KAZN: variants seen among roughly 807,000 people sequenced by gnomAD.
KAZN encodes the protein kazrin, periplakin interacting protein.
A neutral mutation model predicts 87.4 loss-of-function variants in KAZN; 40 were observed. The observed-to-expected ratio is 0.46, with a 90% confidence interval of 0.36 to 0.60. The LOEUF is 0.60. Among genes scored for constraint, KAZN ranks in the 20% least tolerant of loss-of-function variants. The pLI, the probability that KAZN is intolerant of heterozygous loss-of-function variation, is 0.00. For synonymous variants in KAZN, 466 were observed against 458.3 expected (o/e 1.02, Z -0.22); for missense variants, 898 against 1,073.9 (o/e 0.84, Z 2.29).
In KAZN at chr1:14,354,692, A is replaced by C. The variant is rs183574355; in HGVS notation, c.249+174100A>C. Among the ~76,000 whole-genome samples the C allele has an allele frequency of 3.1e-3, 468 of 151,600 alleles. 3 individuals carry two copies. The highest frequency in any genetic ancestry group is 1.7e-3 in the Non-Finnish European group (113 of 67,870). Reference sequence around the variant, plus strand: ...CACACACACACACACACACACAAACAAACCTGACAATGCCAAATGTTGGCA... The same window carrying C: ...CACACACACACACACACACACAAACCAACCTGACAATGCCAAATGTTGGCA... On this transcript the variant is annotated intron_variant, in intron 2 of 16. Transcript: ENST00000636203.
At chr1:14,774,311 C>T (rs1312431530) in intron 1 of KAZN, among the ~76,000 whole-genome samples, 1 of 152,086 alleles carries the variant, frequency 6.6e-6, no homozygotes, top group African/African-American at 2.4e-5. Flanking sequence ...AATGCCAACC[C>T]CACAGGCTCA....
At chr1:14,286,910 A>G (rs1653294419) in intron 2 of KAZN, among the ~76,000 whole-genome samples, 1 of 152,216 alleles carries the variant, frequency 6.6e-6, no homozygotes. Flanking sequence ...TGTGCTAATG[A>G]AATTCAACTA....
chr1:13,893,813 G>A lies in KAZN; in HGVS notation c.91+57G>A, dbSNP rs145787334. On this transcript the variant is annotated intron_variant, in intron 1 of 16. Coordinates refer to the KAZN transcript ENST00000636203. ...AGAATGGGAAGTGGAGCGTTATCCC[G>A]GGTCCCCAAAAACAGCGGTCTGTGT... is the stretch of plus-strand genomic sequence containing the variant. The A allele has an allele frequency of 1.5e-4, 237 of 1,539,910 alleles. 2 individuals are homozygous for A. In the African/African-American group the frequency reaches 2.3e-3, roughly 15 times the overall value.
Position 14,598,900 on chromosome 1 carries a change from G to A in KAZN, c.-98G>A. On this transcript the variant is annotated 5_prime_UTR_variant, in exon 1 of 15. Coordinates refer to ENST00000376030, the MANE Select transcript of KAZN (RefSeq NM_201628.3). This position sits in a 1 kb window ranked among gnomAD's most constrained non-coding sequence, Gnocchi z 4.2. ...GGCGCGGGCGAAGCCGGGCCGCGGA[G>A]GACACAACAGGTAGAGCCGGGGGTG... 1 of 1,523,618 alleles carries A rather than the reference G, an allele frequency of 6.6e-7. No individual in the cohort carries two copies. Among genetic ancestry groups the A allele is most frequent in the Non-Finnish European group, 8.7e-7 (1 of 1,143,908 alleles). The allele number at this position is 1,523,618 out of a possible 1,614,324, so 94.4% of individuals were successfully genotyped here.
intron 2 of KAZN, among the ~76,000 whole-genome samples, chr1:14,338,378 G>A (rs1028776165): frequency 2.0e-5 from 3 of 151,772 alleles, no homozygotes; most frequent in African/African-American, 7.3e-5. Context: ...CCAGCTACTC[G>A]GGACACTGAG....
intron 1 of KAZN, among the ~76,000 whole-genome samples, chr1:14,661,943 G>C (rs999512320): frequency 3.9e-5 from 6 of 152,122 alleles, no homozygotes; most frequent in African/African-American, 1.4e-4. Context: ...TGCTGAAGTC[G>C]GATAGGCCTG....
intron 1 of KAZN, among the ~76,000 whole-genome samples, chr1:14,713,775 C>CAAAAAAAAAAAA (rs58947119): frequency 2.1e-5 from 2 of 94,632 alleles, no homozygotes; most frequent in African/African-American, 4.7e-5. Context: ...CTCATCTCTA[C>CAAAAAAAAAAAA]AAAAAAAAAA....
At chr1:15,027,145 G>C (rs1308087902) in intron 2 of KAZN, among the ~76,000 whole-genome samples, 1 of 134,462 alleles carries the variant, frequency 7.4e-6, no homozygotes, top group Non-Finnish European at 1.5e-5. Flanking sequence ...GCAGTGGCGC[G>C]ATCTCGGCTC....
At chr1:14,104,815 T>A (rs1409629513) in intron 1 of KAZN, among the ~76,000 whole-genome samples, 2 of 152,234 alleles carry the variant, frequency 1.3e-5, no homozygotes, top group African/African-American at 2.4e-5. Context: ...TGCTGAATGG[T>A]TTTGTTTTAT....
chr1:14,161,638 C>G (rs1645712077), intron 1 of KAZN, among the ~76,000 whole-genome samples: 1 of 152,028 alleles, frequency 6.6e-6, no homozygotes, highest in Admixed American at 6.6e-5. Context: ...ACAGGTTGGC[C>G]CTATCTAGTG....
chr1:14,690,323 T>C (rs953693159), intron 1 of KAZN, among the ~76,000 whole-genome samples: 3 of 152,226 alleles, frequency 2.0e-5, no homozygotes, highest in Non-Finnish European at 4.4e-5. Flanking sequence ...GCCCATCTGA[T>C]GTTTTTACAT....
intron 1 of KAZN, among the ~76,000 whole-genome samples, chr1:14,689,258 C>T (rs1382777337): frequency 1.3e-5 from 2 of 152,084 alleles, no homozygotes; most frequent in East Asian, 3.9e-4. Context: ...TTGGTAAAAC[C>T]ATGCTGGGTC....
chr1:14,837,115 T>A (rs1003393766), intron 1 of KAZN, among the ~76,000 whole-genome samples: 2 of 152,226 alleles, frequency 1.3e-5, no homozygotes, highest in Non-Finnish European at 2.9e-5. Context: ...TTTTAAAAAA[T>A]TTTTAGAAAG....
intron 2 of KAZN, among the ~76,000 whole-genome samples, chr1:14,973,965 G>A (rs1011783887): frequency 4.6e-5 from 7 of 151,984 alleles, no homozygotes; most frequent in Admixed American, 2.6e-4. Flanking sequence ...TCAGCTAGGC[G>A]ATTCTTAGGT....
At chr1:14,196,062 C>G (rs1646520259) in intron 2 of KAZN, among the ~76,000 whole-genome samples, 1 of 151,984 alleles carries the variant, frequency 6.6e-6, no homozygotes, top group Non-Finnish European at 1.5e-5. Context: ...AGGGAGAGAC[C>G]ATTTCAGAGA....
At chr1:14,471,862 G>T (rs940189055) in intron 2 of KAZN, among the ~76,000 whole-genome samples, 6 of 152,200 alleles carry the variant, frequency 3.9e-5, no homozygotes, top group Non-Finnish European at 7.3e-5. Flanking sequence ...CTAAAGACCC[G>T]TTTGAATTGT....
chr1:13,950,926 GAT>G (rs919443713), intron 1 of KAZN, among the ~76,000 whole-genome samples: 13 of 152,272 alleles, frequency 8.5e-5, no homozygotes, highest in Admixed American at 2.6e-4. Flanking sequence ...CTTCCCAAAA[GAT>G]GTGATAGTGT....
At chr1:14,462,137 G>GTTA (rs1667891232) in intron 2 of KAZN, among the ~76,000 whole-genome samples, 1 of 151,216 alleles carries the variant, frequency 6.6e-6, no homozygotes, top group African/African-American at 2.4e-5. Context: ...AGCTTTGAAT[G>GTTA]TTGTTCTCCC....
chr1:15,014,572 G>T (rs75815538), intron 2 of KAZN, among the ~76,000 whole-genome samples: 9 of 152,118 alleles, frequency 5.9e-5, no homozygotes, highest in African/African-American at 2.2e-4. Context: ...TTGGAAAAGC[G>T]CCCTAAAACC....
Sources: gnomAD v4.1 joint callset for allele counts (sites outside exome capture counted in the v4.1 genomes callset) on GRCh38, gnomAD v4.1.1 for gene constraint, Gnocchi (gnomAD v3.1) non-coding constraint, MANE v1.5 for transcripts, NCBI Gene and HGNC (gene_info 2026-07-23, HGNC 2026-07-21) for gene names.